Variants in AXDND1 observed in about 807,000 individuals in gnomAD.
AXDND1 encodes axonemal dynein light chain domain-containing protein 1.
AXDND1 carries 110 observed loss-of-function variants against 137.5 expected under a neutral mutation model. The ratio of observed to expected loss-of-function variants is 0.80; its 90% CI spans 0.69 to 0.94. AXDND1 has a LOEUF of 0.94. Among genes scored for constraint, AXDND1 ranks in the 40% least tolerant of loss-of-function variants. The pLI is 0.00. For missense variants in AXDND1, 1,191 were observed against 1,169.8 expected (o/e 1.02, Z -0.26); for synonymous variants, 414 against 399.7 (o/e 1.04, Z -0.43).
At position 179,551,440 on chromosome 1, in the gene AXDND1, T is replaced by C. The variant is rs146940071; in HGVS notation, c.3032-3072T>C. 96 of 1,613,426 alleles carry C rather than the reference T, an allele frequency of 6.0e-5. No individual in the cohort carries two copies. In the Middle Eastern group the frequency reaches 1.1e-3, roughly 19 times the overall value. On this transcript the variant is annotated intron_variant, in intron 25 of 25. Coordinates refer to ENST00000367618, the MANE Select transcript of AXDND1 (RefSeq NM_144696.6). Reference sequence around the variant, plus strand: ...ACTCAGAAGCAGCCTTTTCCGCTTCTGCAGCAATCATCTAGAAAACATGTG... The same window carrying C: ...ACTCAGAAGCAGCCTTTTCCGCTTCCGCAGCAATCATCTAGAAAACATGTG...
chr1:179,373,919 A>G (rs1668306418), intron 4 of AXDND1, among the ~76,000 whole-genome samples: 1 of 152,252 alleles, frequency 6.6e-6, no homozygotes, highest in African/African-American at 2.4e-5. Flanking sequence ...AGGCATGGGC[A>G]AGGACTTCAT....
intron 17 of AXDND1, 108 bp downstream of exon 17, chr1:179,468,749 C>A: frequency 1.2e-6 from 1 of 866,098 alleles, no homozygotes; most frequent in Non-Finnish European, 1.7e-6. Flanking sequence ...CTGTGGTGTT[C>A]AGTATATTTA....
At chr1:179,404,056 GTGTT>G (rs1317155827) in intron 11 of AXDND1, among the ~76,000 whole-genome samples, 1 of 152,164 alleles carries the variant, frequency 6.6e-6, no homozygotes, top group Non-Finnish European at 1.5e-5. Flanking sequence ...TGGTCTGTAA[GTGTT>G]TGTGTAAGTT....
intron 11 of AXDND1, among the ~76,000 whole-genome samples, chr1:179,398,312 A>G (rs985927445): frequency 1.3e-5 from 2 of 152,074 alleles, no homozygotes; most frequent in African/African-American, 4.8e-5. Flanking sequence ...GGGGACTTGT[A>G]TTGGGACCAG....
intron 17 of AXDND1, among the ~76,000 whole-genome samples, chr1:179,470,816 ATGT>A (rs1463032626): frequency 6.6e-6 from 1 of 152,226 alleles, no homozygotes; most frequent in East Asian, 1.9e-4. Context: ...TGAATGGAAG[ATGT>A]TGTTCCTATT....
intron 20 of AXDND1, among the ~76,000 whole-genome samples, chr1:179,502,562 TAAAAAAAAAAAAAAA>T (rs35740934): frequency 6.2e-5 from 5 of 81,084 alleles, no homozygotes; most frequent in African/African-American, 2.4e-4. Flanking sequence ...AAACTCTGTC[TAAAAAAAAAAAAAAA>T]AAAAAAAAGA....
At chr1:179,433,188 G>A (rs1197240727) in intron 15 of AXDND1, among the ~76,000 whole-genome samples, 1 of 152,066 alleles carries the variant, frequency 6.6e-6, no homozygotes, top group Admixed American at 6.6e-5. Context: ...TCTGATGGTA[G>A]TTTGTATTTC....
chr1:179,428,534 G>C (rs188052772), intron 12 of AXDND1, among the ~76,000 whole-genome samples: 115 of 152,378 alleles, frequency 7.5e-4, no homozygotes, highest in Non-Finnish European at 1.6e-3. Flanking sequence ...GACCCCTTGT[G>C]GGGGGCAGGA....
At chr1:179,445,290 A>G in intron 16 of AXDND1, 86 bp downstream of exon 16, 1 of 1,001,164 alleles carries the variant, frequency 1.0e-6, no homozygotes, top group South Asian at 1.9e-5. Flanking sequence ...ATTTAAAATA[A>G]AAGTAATAAA....
At chr1:179,409,006 G>A (rs971176147) in intron 11 of AXDND1, among the ~76,000 whole-genome samples, 1 of 132,702 alleles carries the variant, frequency 7.5e-6, no homozygotes. Context: ...AATGACATTG[G>A]TATTTTGATA....
At position 179,550,955 on chromosome 1, in the gene AXDND1, C is replaced by T. The variant is rs1316853218; in HGVS notation, c.3032-3557C>T. ...TGACCAAAGCTGTTTCCCATAATTGCTCTGACTAGATGAGTCACGGAAACA... is the reference window on the plus strand; with the variant it reads ...TGACCAAAGCTGTTTCCCATAATTGTTCTGACTAGATGAGTCACGGAAACA... On this transcript the variant is annotated intron_variant, in intron 25 of 25. Coordinates refer to ENST00000367618, the MANE Select transcript of AXDND1 (RefSeq NM_144696.6). 3 of 598,972 alleles carry T rather than the reference C, an allele frequency of 5.0e-6. No homozygotes were observed. The African/African-American group carries it at 5.6e-5, about 11-fold the overall frequency. The allele number at this position is 598,972 out of a possible 1,614,324, so 37.1% of individuals were successfully genotyped here.
intron 11 of AXDND1, among the ~76,000 whole-genome samples, chr1:179,396,115 G>A (rs1028940386): frequency 1.3e-5 from 2 of 151,458 alleles, no homozygotes; most frequent in Non-Finnish European, 2.9e-5. Flanking sequence ...GTTGCAGTGA[G>A]CTGAGTTTGT....
At chr1:179,425,467 C>A (rs1050516294) in intron 12 of AXDND1, among the ~76,000 whole-genome samples, 3 of 152,082 alleles carry the variant, frequency 2.0e-5, no homozygotes, top group African/African-American at 7.2e-5. Flanking sequence ...GGATGGTAGT[C>A]CTTCTTCTAC....
At chr1:179,366,817 C>T (rs11804234) in intron 2 of AXDND1, among the ~76,000 whole-genome samples, 3 of 151,934 alleles carry the variant, frequency 2.0e-5, no homozygotes, top group Non-Finnish European at 4.4e-5. Context: ...ACAGTTTATA[C>T]TTTTTTTCAA....
At chr1:179,505,659 AAGAAAAAAGAAAAAC>A (rs1668470170) in intron 20 of AXDND1, among the ~76,000 whole-genome samples, 1 of 151,956 alleles carries the variant, frequency 6.6e-6, no homozygotes, top group Non-Finnish European at 1.5e-5. Flanking sequence ...AAAAAAAAAA[AAGAAAAAAGAAAAAC>A]AGAAAAAAAT....
intron 12 of AXDND1, among the ~76,000 whole-genome samples, chr1:179,418,138 C>T (rs1008568594): frequency 6.6e-5 from 10 of 151,588 alleles, no homozygotes; most frequent in African/African-American, 2.4e-4. Flanking sequence ...ACCCTGCGGC[C>T]TTCCGCAGTG....
intron 19 of AXDND1, 79 bp downstream of exon 19, chr1:179,491,816 C>T: frequency 4.1e-6 from 5 of 1,220,350 alleles, no homozygotes; most frequent in Non-Finnish European, 5.6e-6. Context: ...GAAGTAGTAG[C>T]AATAGGAGTT....
At chr1:179,391,268 A>G (rs1650153226) in intron 9 of AXDND1, among the ~76,000 whole-genome samples, 1 of 150,666 alleles carries the variant, frequency 6.6e-6, no homozygotes, top group South Asian at 2.1e-4. Context: ...TTATTTCAAT[A>G]GTTTTTGGAG....
At chr1:179,439,804 G>A (rs9660720) in intron 15 of AXDND1, among the ~76,000 whole-genome samples, 17,548 of 151,950 alleles carry the variant, frequency 0.12, 1,210 homozygotes, top group East Asian at 0.35. Context: ...CGGAGGGACC[G>A]GGCCCATGGT....
Sources: allele counts gnomAD v4.1 joint callset (sites outside exome capture counted in the v4.1 genomes callset), GRCh38; gene constraint gnomAD v4.1.1; transcripts MANE v1.5; gene names NCBI Gene and HGNC (gene_info 2026-07-23, HGNC 2026-07-21).